Variants in RPS6KC1 observed in about 807,000 individuals in gnomAD.
The protein encoded by RPS6KC1 is inactive ribosomal protein S6 kinase delta-1.
In RPS6KC1, 54 loss-of-function variants were observed where a neutral mutation model predicts 103.8. That is an observed-to-expected ratio of 0.52 (90% CI 0.42 to 0.65). The LOEUF (loss-of-function observed/expected upper bound fraction) is 0.65. Ranked by LOEUF, RPS6KC1 falls within the 30% of genes least tolerant of loss-of-function variation. The pLI is 0.00. For synonymous variants in RPS6KC1, 439 were observed against 438.7 expected (o/e 1.00, Z -0.01); for missense variants, 1,151 against 1,253.8 (o/e 0.92, Z 1.24).
the RPS6KC1 span, among the ~76,000 whole-genome samples, chr1:213,396,960 G>C: frequency 6.6e-6 from 1 of 152,214 alleles, no homozygotes; most frequent in Non-Finnish European, 1.5e-5. Flanking sequence ...GGTCTTGCCA[G>C]GGTCTCCTTC....
chr1:213,433,421 G>A, the RPS6KC1 span, among the ~76,000 whole-genome samples: 1 of 152,330 alleles, frequency 6.6e-6, no homozygotes, highest in East Asian at 1.9e-4. Flanking sequence ...GGATTAGAGT[G>A]TGGACATTTG....
chr1:213,363,625 GCTTT>G, the RPS6KC1 span, among the ~76,000 whole-genome samples: 3,228 of 72,646 alleles, frequency 0.044, 60 homozygotes, highest in East Asian at 0.069. Context: ...TTGCTTGCTT[GCTTT>G]CTTTCTTTCT....
chr1:213,830,265 A>G, the RPS6KC1 span, among the ~76,000 whole-genome samples: 2 of 152,234 alleles, frequency 1.3e-5, no homozygotes, highest in Non-Finnish European at 2.9e-5. Flanking sequence ...GGCTCATCAT[A>G]AAGAAAAAAC....
At chr1:213,318,092 G>A in the RPS6KC1 span, among the ~76,000 whole-genome samples, 1 of 152,378 alleles carries the variant, frequency 6.6e-6, no homozygotes, top group South Asian at 2.1e-4. Flanking sequence ...ATTCACAGAA[G>A]TGCCTGTGGG....
At chr1:213,706,123 C>T in the RPS6KC1 span, among the ~76,000 whole-genome samples, 2 of 152,138 alleles carry the variant, frequency 1.3e-5, no homozygotes, top group Non-Finnish European at 2.9e-5. Context: ...GGCCCCCAGT[C>T]CACTAACTCT....
At chr1:213,842,726 A>G in the RPS6KC1 span, among the ~76,000 whole-genome samples, 6 of 152,194 alleles carry the variant, frequency 3.9e-5, no homozygotes, top group Admixed American at 3.9e-4. Flanking sequence ...GTGTTTATCA[A>G]ATAGGTTATC....
At chr1:213,173,215 A>G (rs192087101) in intron 7 of RPS6KC1, among the ~76,000 whole-genome samples, 1 of 152,332 alleles carries the variant, frequency 6.6e-6, no homozygotes, top group East Asian at 1.9e-4. Context: ...ACATATGAGA[A>G]ATACAATTTT....
the RPS6KC1 span, among the ~76,000 whole-genome samples, chr1:213,742,979 A>C: frequency 2.0e-5 from 3 of 152,234 alleles, no homozygotes; most frequent in Non-Finnish European, 2.9e-5. Context: ...GCAGTTTGGC[A>C]ATTTCTCAAA....
chr1:213,605,682 C>T, the RPS6KC1 span, among the ~76,000 whole-genome samples: 1 of 152,156 alleles, frequency 6.6e-6, no homozygotes, highest in South Asian at 2.1e-4. Context: ...ATAGTAGGTG[C>T]TCAATGAATA....
chr1:213,722,951 G>T, the RPS6KC1 span, among the ~76,000 whole-genome samples: 1 of 152,166 alleles, frequency 6.6e-6, no homozygotes, highest in Non-Finnish European at 1.5e-5. Context: ...GGCCGAGGTT[G>T]GTGGATCACC....
At chr1:213,234,888 G>A (rs551297295) in intron 10 of RPS6KC1, among the ~76,000 whole-genome samples, 1 of 152,180 alleles carries the variant, frequency 6.6e-6, no homozygotes, top group African/African-American at 2.4e-5. Context: ...GGCACCAGTC[G>A]AGATGTTTGA....
intron 8 of RPS6KC1, chr1:213,205,170 G>A (rs961099807): frequency 3.4e-5 from 27 of 800,820 alleles, no homozygotes; most frequent in Non-Finnish European, 3.5e-5. Context: ...GTCTGTTTGA[G>A]TATCACCAAA....
chr1:213,408,376 T>C, the RPS6KC1 span, among the ~76,000 whole-genome samples: 1 of 152,354 alleles, frequency 6.6e-6, no homozygotes, highest in South Asian at 2.1e-4. Context: ...GTGTGGGGGT[T>C]AGTTTTATGT....
At chr1:213,231,743 C>T (rs1465803984) in intron 9 of RPS6KC1, among the ~76,000 whole-genome samples, 2 of 152,246 alleles carry the variant, frequency 1.3e-5, no homozygotes, top group South Asian at 2.1e-4. Context: ...CCTTTTGTGT[C>T]TCAGGAGTTT....
intron 6 of RPS6KC1, among the ~76,000 whole-genome samples, chr1:213,166,019 C>A (rs1053099205): frequency 6.6e-6 from 1 of 152,002 alleles, no homozygotes; most frequent in Non-Finnish European, 1.5e-5. Context: ...GGCAGAAAAA[C>A]CAAAAGTTTA....
At chr1:213,742,621 G>A in the RPS6KC1 span, among the ~76,000 whole-genome samples, 1 of 152,254 alleles carries the variant, frequency 6.6e-6, no homozygotes, top group Non-Finnish European at 1.5e-5. Flanking sequence ...GGCTTGTCAT[G>A]TTAACAATGT....
the RPS6KC1 span, among the ~76,000 whole-genome samples, chr1:213,320,553 C>T: frequency 6.6e-6 from 1 of 152,198 alleles, no homozygotes; most frequent in African/African-American, 2.4e-5. Context: ...TATTTTTACA[C>T]CTCACTGAAT....
chr1:213,187,665 T>G (rs2092589793), intron 8 of RPS6KC1, among the ~76,000 whole-genome samples: 1 of 152,146 alleles, frequency 6.6e-6, no homozygotes, highest in Non-Finnish European at 1.5e-5. Context: ...ACTCACAAAT[T>G]GCTTTCTTGT....
the RPS6KC1 span, among the ~76,000 whole-genome samples, chr1:213,363,779 TTTCTTTC>T: frequency 1.0e-5 from 1 of 95,588 alleles, no homozygotes; most frequent in Admixed American, 9.7e-5. Context: ...TCTTTCTTTC[TTTCTTTC>T]TTTCTTTCTT....
Sources: allele counts gnomAD v4.1 joint callset (sites outside exome capture counted in the v4.1 genomes callset), GRCh38; gene constraint gnomAD v4.1.1; transcripts MANE v1.5; gene names NCBI Gene and HGNC (gene_info 2026-07-23, HGNC 2026-07-21).